The following NKAIN2 variants were observed in gnomAD, a reference collection of about 807,000 sequenced individuals.
The protein encoded by NKAIN2 is sodium/potassium-transporting ATPase subunit beta-1-interacting protein 2.
NKAIN2 carries 14 observed loss-of-function variants against 32.6 expected under a neutral mutation model. That is an observed-to-expected ratio of 0.43 (90% confidence interval 0.28 to 0.67). The LOEUF is 0.67. Among genes scored for constraint, NKAIN2 ranks in the 30% least tolerant of loss-of-function variants. The pLI, the probability that NKAIN2 is intolerant of heterozygous loss-of-function variation, is 0.17. For missense variants in NKAIN2, 198 were observed against 258.3 expected (o/e 0.77, Z 1.60); for synonymous variants, 80 against 87.2 (o/e 0.92, Z 0.46).
At chr6:124,505,863 TAGTG>T (rs749101889) in intron 3 of NKAIN2, among the ~76,000 whole-genome samples, 12 of 152,008 alleles carry the variant, frequency 7.9e-5, no homozygotes, top group Non-Finnish European at 1.3e-4. Flanking sequence ...ATGACAGACT[TAGTG>T]AGCCACTATT....
At chr6:124,632,971 G>T (rs1025438640) in intron 3 of NKAIN2, among the ~76,000 whole-genome samples, 3 of 152,114 alleles carry the variant, frequency 2.0e-5, no homozygotes, top group African/African-American at 4.8e-5. Flanking sequence ...ACACATCAAG[G>T]TCTTTTATGG....
chr6:124,088,285 G>A (rs1784276479), intron 1 of NKAIN2, among the ~76,000 whole-genome samples: 1 of 151,956 alleles, frequency 6.6e-6, no homozygotes, highest in South Asian at 2.1e-4. Context: ...AGCCAGATGT[G>A]GTGGTGTATG....
Position 124,185,847 on chromosome 6 carries a change from A to C in NKAIN2, c.55-97158A>C, listed in dbSNP as rs188231421. 4.8e-3 allele frequency among the ~76,000 whole-genome samples: 594 copies of C among 123,856 alleles called. 2 individuals carry two copies. Among genetic ancestry groups the C allele is most frequent in the Non-Finnish European group, 9.1e-3 (479 of 52,664 alleles). The allele number at this position is 123,856 out of a possible 152,430, so 81.3% of individuals were successfully genotyped here. A position where few individuals can be genotyped will look rare whatever the true frequency, so the allele number is the denominator to read the frequency against. ...TAGATATGATACAGAAATAATACCA[A>C]CATCAAATAATTTAGGGGAAACATG... On this transcript the variant is annotated intron_variant, in intron 1 of 6. Coordinates refer to ENST00000368417, the MANE Select transcript of NKAIN2 (RefSeq NM_001040214.3).
rs1212677808 is a variant in NKAIN2 at position 123,938,478 on chromosome 6, C to CATAATAT, written c.54+134235_54+134241dup. On this transcript the variant is annotated intron_variant, in intron 1 of 6. Transcript: ENST00000368417. ...CACACACACACACACGCATATTATACATAATATATAATATATATTTATATA... is the reference window on the plus strand; with the variant it reads ...CACACACACACACACGCATATTATACATAATATATAATATATAATATATATTTATATA... Among the ~76,000 whole-genome samples, 103 of 103,342 alleles carry CATAATAT rather than the reference C, an allele frequency of 1.0e-3. No individual in the cohort carries two copies. In the South Asian group the frequency reaches 0.03, roughly 30 times the overall value. The allele number at this position is 103,342 out of a possible 152,430, so 67.8% of individuals were successfully genotyped here. A position where few individuals can be genotyped will look rare whatever the true frequency, so the allele number is the denominator to read the frequency against.
chr6:124,721,232 G>A (rs1170178452), intron 4 of NKAIN2, among the ~76,000 whole-genome samples: 1 of 151,818 alleles, frequency 6.6e-6, no homozygotes, highest in Non-Finnish European at 1.5e-5. Flanking sequence ...GTGAAACCCC[G>A]TCTCTACTAA....
intron 1 of NKAIN2, among the ~76,000 whole-genome samples, chr6:124,086,266 A>G (rs546516697): frequency 7.8e-4 from 118 of 152,002 alleles, no homozygotes; most frequent in Non-Finnish European, 1.4e-3. Flanking sequence ...TTGAAATATG[A>G]CTGGTTAGTA....
At chr6:124,346,964 A>G (rs370941950) in intron 2 of NKAIN2, among the ~76,000 whole-genome samples, 8 of 152,066 alleles carry the variant, frequency 5.3e-5, no homozygotes, top group South Asian at 2.1e-4. Context: ...ATTTTGCAGC[A>G]GCTGGTACCG....
chr6:124,599,019 ATTT>A (rs34952742), intron 3 of NKAIN2, among the ~76,000 whole-genome samples: 1 of 141,918 alleles, frequency 7.0e-6, no homozygotes, highest in African/African-American at 2.6e-5. Flanking sequence ...ACACAAATCT[ATTT>A]TTTTTTTTTT....
chr6:124,013,516 A>G (rs1780431275), intron 1 of NKAIN2, among the ~76,000 whole-genome samples: 1 of 152,202 alleles, frequency 6.6e-6, no homozygotes, highest in African/African-American at 2.4e-5. Context: ...GAGTTAATGA[A>G]TGAGTTTTCT....
At chr6:124,733,876 G>C (rs1368414382) in intron 4 of NKAIN2, among the ~76,000 whole-genome samples, 1 of 151,610 alleles carries the variant, frequency 6.6e-6, no homozygotes, top group Non-Finnish European at 1.5e-5. Flanking sequence ...TTCTTGCACT[G>C]TCAGTTGACA....
chr6:124,039,428 T>A (rs192766944), intron 1 of NKAIN2, among the ~76,000 whole-genome samples: 52 of 152,040 alleles, frequency 3.4e-4, no homozygotes, highest in Admixed American at 2.5e-3. Context: ...TTATGTTGTA[T>A]ATATTTATAA....
Position 123,863,281 on chromosome 6 carries a change from G to C in NKAIN2, c.54+59027G>C, listed in dbSNP as rs73565135. Among the ~76,000 whole-genome samples the C allele has an allele frequency of 7.1e-3, 1,075 of 152,278 alleles. 7 individuals are homozygous for C. Among genetic ancestry groups the C allele is most frequent in the African/African-American group, 0.024 (1,005 of 41,564 alleles). ...TTGGTAAATGTAGAGTCTGTCAGAA[G>C]TAATCCACATTTGTTCTAATTAGGT... On this transcript the variant is annotated intron_variant, in intron 1 of 6. Transcript: ENST00000368417.
intron 2 of NKAIN2, among the ~76,000 whole-genome samples, chr6:124,306,236 G>A (rs984276856): frequency 1.9e-4 from 29 of 152,120 alleles, no homozygotes; most frequent in Non-Finnish European, 2.6e-4. Context: ...AAAAATAAAT[G>A]TCTGCTCCAT....
chr6:124,193,730 G>A (rs1485929231), intron 1 of NKAIN2, among the ~76,000 whole-genome samples: 1 of 152,086 alleles, frequency 6.6e-6, no homozygotes, highest in Admixed American at 6.5e-5. Flanking sequence ...GGGTGCGCAA[G>A]GAGAAGAGGA....
chr6:124,722,325 T>C (rs1380900848), intron 4 of NKAIN2, among the ~76,000 whole-genome samples: 1 of 152,260 alleles, frequency 6.6e-6, no homozygotes, highest in African/African-American at 2.4e-5. Flanking sequence ...CTTCTGGGCA[T>C]ATATCCAAAA....
intron 1 of NKAIN2, among the ~76,000 whole-genome samples, chr6:124,112,415 G>A (rs891336195): frequency 6.6e-5 from 10 of 152,088 alleles, no homozygotes; most frequent in African/African-American, 7.2e-5. Context: ...CATGGTTTCT[G>A]TTGATAAATT....
chr6:124,607,644 T>C (rs1303178432), intron 3 of NKAIN2, among the ~76,000 whole-genome samples: 1 of 152,106 alleles, frequency 6.6e-6, no homozygotes, highest in Non-Finnish European at 1.5e-5. Flanking sequence ...GCAAAACTTA[T>C]CCATCTTCGT....
intron 2 of NKAIN2, among the ~76,000 whole-genome samples, chr6:124,317,634 T>C (rs1797017475): frequency 6.6e-6 from 1 of 152,056 alleles, no homozygotes; most frequent in African/African-American, 2.4e-5. Context: ...ACTTATATAC[T>C]ATTTTAACAT....
intron 1 of NKAIN2, among the ~76,000 whole-genome samples, chr6:124,194,420 A>G (rs1270209084): frequency 6.6e-6 from 1 of 151,854 alleles, no homozygotes; most frequent in East Asian, 1.9e-4. Context: ...GACGGCATAC[A>G]TTTGTGTTTT....
Sources: gnomAD v4.1 joint callset for allele counts (sites outside exome capture counted in the v4.1 genomes callset) on GRCh38, gnomAD v4.1.1 for gene constraint, MANE v1.5 for transcripts, NCBI Gene and HGNC (gene_info 2026-07-23, HGNC 2026-07-21) for gene names.